Variants in LIPF observed in about 807,000 individuals in gnomAD.
LIPF encodes gastric triacylglycerol lipase.
LIPF carries 25 observed loss-of-function variants against 38.0 expected under a neutral mutation model. The ratio of observed to expected loss-of-function variants is 0.66; its 90% CI spans 0.48 to 0.92. The LOEUF is 0.92. Ranked by LOEUF, LIPF falls within the 40% of genes least tolerant of loss-of-function variation. The probability of loss-of-function intolerance (pLI) is 0.00; values close to 1 mark genes in which losing one functional copy is unlikely to be tolerated. For missense variants in LIPF, 410 were observed against 469.9 expected, an observed-to-expected ratio of 0.87 and a Z score of 1.18; for synonymous variants, 161 against 156.2, an observed-to-expected ratio of 1.03 and a Z score of -0.23.
At chr10:88,667,538 A>G in intron 2 of LIPF, 31 bp from the exon 3 acceptor site, 1 of 1,284,732 alleles carries the variant, frequency 7.8e-7, no homozygotes, top group Non-Finnish European at 1.1e-6. Flanking sequence ...AAAATCAACT[A>G]AAATTTAAAC....
At position 88,678,524 on chromosome 10, in the gene LIPF, AC is replaced by A; in HGVS notation, c.1045del (p.Gln349LysfsTer44). 1 of 1,613,928 alleles carries A rather than the reference AC, an allele frequency of 6.2e-7. No individual in the cohort carries two copies. Among genetic ancestry groups the A allele is most frequent in the Non-Finnish European group, 8.5e-7 (1 of 1,179,924 alleles). On this transcript the variant is annotated frameshift_variant, in exon 10 of 10. Coordinates refer to ENST00000238983, the MANE Select transcript of LIPF (RefSeq NM_004190.4). LOFTEE classifies it low-confidence loss of function (END_TRUNC). ...VWNGGKDLLA[D>X]PQDVGLLLPK... is the part of the protein sequence containing the mutation. Reference sequence around the variant, plus strand: ...AACGGTGGCAAGGACCTGTTGGCTGACCCCCAAGATGTTGGCCTTTTGCTTC... The same window carrying A: ...AACGGTGGCAAGGACCTGTTGGCTGACCCCAAGATGTTGGCCTTTTGCTTC...
chr10:88,668,723 A>G lies in LIPF; in HGVS notation c.389A>G (p.Tyr130Cys), dbSNP rs755546186. 9 of 1,614,088 alleles carry G rather than the reference A, an allele frequency of 5.6e-6. No homozygotes were observed. The highest frequency in any genetic ancestry group is 5.0e-5 in the Admixed American group (3 of 60,016). ...ACCTGGGCCAGAAGAAACTTGTACT[A>G]TTCACCAGATTCAGTTGAATTCTGG... ...GNTWARRNLY[Y>C]SPDSVEFWAF... Residue 130 changes from tyrosine (Y) to cysteine (C), a missense_variant, in exon 4 of 10, where the codon TAT (tyrosine) becomes TGT (cysteine). By Grantham distance (194) the Tyr-to-Cys change is radical. Transcript: ENST00000238983.
rs1433029030 is a variant in LIPF at position 88,668,851 on chromosome 10, C to T, written c.422+95C>T. On this transcript the variant is annotated intron_variant, in intron 4 of 9. Coordinates refer to ENST00000238983, the MANE Select transcript of LIPF (RefSeq NM_004190.4). The stretch of plus-strand genomic sequence containing the variant: ...AGTCCCATTTTAACAAATTACACTC[C>T]AAGTAGGAGGATAAACAAGTCATTT... 3.1e-6 allele frequency: 3 copies of T among 966,446 alleles called. No individual in the cohort carries two copies. In the African/African-American group the frequency reaches 4.9e-5, roughly 16 times the overall value. 59.9% of individuals were successfully genotyped at this position (966,446 alleles called of 1,614,324 possible).
chr10:88,675,852 C>T (rs1035098046), intron 8 of LIPF, among the ~76,000 whole-genome samples, 195 bp downstream of exon 8: 1 of 151,968 alleles, frequency 6.6e-6, no homozygotes, highest in Non-Finnish European at 1.5e-5. Flanking sequence ...TATTATTATA[C>T]TTTAAGTTTT....
intron 8 of LIPF, 56 bp from the exon 9 acceptor site, chr10:88,676,153 T>C (rs1365868972): frequency 1.8e-5 from 19 of 1,053,984 alleles, no homozygotes; most frequent in East Asian, 7.9e-5. Flanking sequence ...TGTTTGAATT[T>C]TATTTTTCAC....
At chr10:88,664,791 T>C (rs964709118) in intron 1 of LIPF, among the ~76,000 whole-genome samples, 4 of 152,222 alleles carry the variant, frequency 2.6e-5, no homozygotes, top group African/African-American at 9.6e-5. Flanking sequence ...GTTCCTAATG[T>C]GAAAGTCTAG....
intron 4 of LIPF, chr10:88,669,636 T>C (rs1590110293): frequency 2.2e-6 from 1 of 450,342 alleles, no homozygotes; most frequent in African/African-American, 2.0e-5. Flanking sequence ...GTGGCTGCAA[T>C]GCTGCGCTTC....
At chr10:88,664,877 T>C (rs1038996307) in intron 1 of LIPF, among the ~76,000 whole-genome samples, 41 of 152,258 alleles carry the variant, frequency 2.7e-4, no homozygotes, top group African/African-American at 9.2e-4. Context: ...TAATATGCTA[T>C]GTTTAATATT....
intron 2 of LIPF, 27 bp from the exon 3 acceptor site, chr10:88,667,542 T>G (rs369096676): frequency 5.0e-5 from 66 of 1,307,514 alleles, no homozygotes; most frequent in Non-Finnish European, 7.0e-5. Context: ...TCAACTAAAA[T>G]TTAAACTTTT....
chr10:88,665,638 C>T (rs1841500009), intron 1 of LIPF: 1 of 1,070,380 alleles, frequency 9.3e-7, no homozygotes, highest in Admixed American at 2.0e-5. Context: ...TTGATGAAAG[C>T]CTCTGGTTTG....
chr10:88,676,265 G>A lies in LIPF; in HGVS notation c.945G>A (p.Arg315=), dbSNP rs754212102. The part of the protein sequence containing the change: ...AYDWGSPVQN[R]MHYDQSQPPY... ...ACTGGGGAAGCCCAGTTCAGAATAG[G>A]ATGCACTATGATCAGGTAAGCTTCT... Residue 315 remains arginine, a synonymous_variant, in exon 9 of 10, where the codon AGG becomes AGA. Coordinates refer to ENST00000238983, the MANE Select transcript of LIPF (RefSeq NM_004190.4). 2 of 1,601,858 alleles carry A rather than the reference G, an allele frequency of 1.2e-6. No homozygotes were observed. Among genetic ancestry groups the A allele is most frequent in the South Asian group, 2.2e-5 (2 of 89,734 alleles).
intron 6 of LIPF, 40 bp from the exon 7 acceptor site, chr10:88,673,548 T>G (rs1304788295): frequency 3.9e-6 from 6 of 1,525,186 alleles, no homozygotes; most frequent in Non-Finnish European, 5.4e-6. Flanking sequence ...TTTCTGCAGC[T>G]TGATTGCTAC....
intron 9 of LIPF, among the ~76,000 whole-genome samples, chr10:88,676,704 T>C (rs1564961603): frequency 6.6e-6 from 1 of 152,214 alleles, no homozygotes. Context: ...TTCAATGGGA[T>C]ATATTCCCAA....
chr10:88,668,409 C>T, intron 3 of LIPF, 149 bp from the exon 4 acceptor site: 1 of 696,810 alleles, frequency 1.4e-6, no homozygotes, highest in Non-Finnish European at 2.3e-6. Flanking sequence ...GAGAAATCAT[C>T]ACCACAATTA....
At chr10:88,665,345 T>A in intron 1 of LIPF, 1 of 519,132 alleles carries the variant, frequency 1.9e-6, no homozygotes, top group Non-Finnish European at 3.5e-6. Flanking sequence ...TAGAGAAATG[T>A]ACTATTACAG....
intron 6 of LIPF, 23 bp downstream of exon 6, chr10:88,671,988 G>A (rs1421461398): frequency 1.3e-6 from 2 of 1,593,562 alleles, no homozygotes; most frequent in Admixed American, 1.7e-5. Flanking sequence ...CTTTAATTAA[G>A]TGAATCTAAG....
Position 88,671,915 on chromosome 10 carries a change from A to G in LIPF, c.619A>G (p.Thr207Ala). ...ALAPVATVKY[T>A]KSLINKLRFV... is the part of the protein sequence containing the mutation. ...AGCTCCTGTTGCCACTGTGAAGTATACAAAAAGCCTTATAAACAAACTTAG... is the reference window on the plus strand; with the variant it reads ...AGCTCCTGTTGCCACTGTGAAGTATGCAAAAAGCCTTATAAACAAACTTAG... The change falls in exon 6 of 10, where the codon ACA becomes GCA. Residue 207 changes from threonine (T) to alanine (A), a missense_variant. Physicochemically the swap from Thr to Ala is moderately conservative, Grantham distance 58. Coordinates refer to ENST00000238983, the MANE Select transcript of LIPF (RefSeq NM_004190.4). The G allele has an allele frequency of 1.2e-6, 2 of 1,613,524 alleles. No homozygotes were observed. The highest frequency in any genetic ancestry group is 1.7e-5 in the Admixed American group (1 of 59,964).
At chr10:88,666,420 C>T (rs1191875372) in intron 1 of LIPF, among the ~76,000 whole-genome samples, 2 of 152,172 alleles carry the variant, frequency 1.3e-5, no homozygotes, top group Non-Finnish European at 2.9e-5. Flanking sequence ...CTGTCCTCTA[C>T]ATGGCTTCCC....
Position 88,671,836 on chromosome 10 carries a change from T to C in LIPF, c.540T>C (p.Ile180=), listed in dbSNP as rs945022753. The C allele has an allele frequency of 6.2e-7, 1 of 1,610,984 alleles. No homozygotes were observed. Among genetic ancestry groups the C allele is most frequent in the Non-Finnish European group, 8.5e-7 (1 of 1,178,992 alleles). ...GHSQGTTIGF[I]AFSTNPSLAK... The stretch of plus-strand genomic sequence containing the variant: ...TTCCTTGTTCTTTTTCAGGTTTTAT[T>C]GCCTTTTCCACCAATCCCAGCCTGG... Residue 180 remains isoleucine (I), a synonymous_variant, in exon 6 of 10, where the codon ATT becomes ATC. Coordinates refer to ENST00000238983, the MANE Select transcript of LIPF (RefSeq NM_004190.4).
Sources: allele counts gnomAD v4.1 joint callset (sites outside exome capture counted in the v4.1 genomes callset), GRCh38; gene constraint gnomAD v4.1.1; transcripts MANE v1.5; gene names NCBI Gene and HGNC (gene_info 2026-07-23, HGNC 2026-07-21).